The following BTBD9 variants were observed in gnomAD, a reference collection of about 807,000 sequenced individuals.
The protein encoded by BTBD9 is BTB domain containing 9.
In BTBD9, 49 loss-of-function variants were observed where a neutral mutation model predicts 64.3. That is an observed-to-expected ratio of 0.76 (90% CI 0.61 to 0.97). BTBD9 has a LOEUF of 0.97. Among genes scored for constraint, BTBD9 ranks in the 50% least tolerant of loss-of-function variants. The probability of loss-of-function intolerance (pLI) is 0.00; values close to 1 mark genes in which losing one functional copy is unlikely to be tolerated. For missense variants in BTBD9, 598 were observed against 762.1 expected, an observed-to-expected ratio of 0.78 and a Z score of 2.53; for synonymous variants, 260 against 274.7, an observed-to-expected ratio of 0.95 and a Z score of 0.53.
intron 6 of BTBD9, among the ~76,000 whole-genome samples, chr6:38,457,409 AG>A (rs1201640002): frequency 6.6e-6 from 1 of 152,242 alleles, no homozygotes; most frequent in African/African-American, 2.4e-5. Context: ...AGATTGCAGT[AG>A]ATGGATTTAA....
At chr6:38,328,815 C>T (rs970614380) in intron 7 of BTBD9, among the ~76,000 whole-genome samples, 3 of 151,672 alleles carry the variant, frequency 2.0e-5, no homozygotes, top group African/African-American at 4.8e-5. Flanking sequence ...GGCGTGGTGG[C>T]GGGTGCCCAG....
rs549971372 is a variant in BTBD9 at position 38,254,872 on chromosome 6, C to T, written c.1562+1537G>A. Among the ~76,000 whole-genome samples, 39 of 152,246 alleles carry T rather than the reference C, an allele frequency of 2.6e-4. No individual in the cohort carries two copies. In the East Asian group the frequency reaches 6.0e-3, roughly 23 times the overall value. On this transcript the variant is annotated intron_variant, in intron 9 of 10. Transcript: ENST00000481247. ...TTTGGCAGTTCCTCAAAAAGTTAAA[C>T]GCAGAGTTATCCGATGACCCAGCAA...
chr6:38,306,664 A>T (rs1241285119), intron 7 of BTBD9, among the ~76,000 whole-genome samples: 1 of 152,192 alleles, frequency 6.6e-6, no homozygotes. Context: ...AGGAGTAATA[A>T]ATTTTTTAAA....
At position 38,490,937 on chromosome 6, in the gene BTBD9, A is replaced by G. The variant is rs559213266; in HGVS notation, c.1154+86663T>C. 3.0e-4 allele frequency among the ~76,000 whole-genome samples: 45 copies of G among 152,306 alleles called. 1 individual carries two copies. In the South Asian group the frequency reaches 9.1e-3, roughly 31 times the overall value. On this transcript the variant is annotated intron_variant, in intron 6 of 10. Transcript: ENST00000481247. The stretch of plus-strand genomic sequence containing the variant: ...AAAGGCACCAGGTAATCTGACTGTG[A>G]CTTCCTCTAAGCCAGTTGGGGGATT...
chr6:38,427,029 C>T (rs1400744931), intron 6 of BTBD9, among the ~76,000 whole-genome samples: 2 of 151,844 alleles, frequency 1.3e-5, no homozygotes, highest in Non-Finnish European at 2.9e-5. Flanking sequence ...CTGTATCCTA[C>T]ATCCTAGGCC....
At chr6:38,416,857 T>C (rs867641697) in intron 6 of BTBD9, among the ~76,000 whole-genome samples, 17 of 152,296 alleles carry the variant, frequency 1.1e-4, no homozygotes, top group Middle Eastern at 3.4e-3. Context: ...TGGTCTACCC[T>C]AGATCTGGAA....
chr6:38,458,786 T>C (rs979945640), intron 6 of BTBD9, among the ~76,000 whole-genome samples: 1 of 152,220 alleles, frequency 6.6e-6, no homozygotes, highest in African/African-American at 2.4e-5. Flanking sequence ...GTACCACTTA[T>C]ATGAATAATG....
chr6:38,183,002 CAG>C (rs1761633994), intron 10 of BTBD9, among the ~76,000 whole-genome samples: 1 of 144,434 alleles, frequency 6.9e-6, no homozygotes, highest in African/African-American at 2.6e-5. Context: ...TTTTCTGAGA[CAG>C]AGTCTTGCTC....
chr6:38,363,898 T>C (rs1765080031), intron 6 of BTBD9, among the ~76,000 whole-genome samples: 1 of 152,208 alleles, frequency 6.6e-6, no homozygotes, highest in Admixed American at 6.5e-5. Context: ...ATGTTCAGAT[T>C]GCTACAGCCT....
At chr6:38,290,303 G>C (rs1582172944) in intron 7 of BTBD9, among the ~76,000 whole-genome samples, 1 of 151,490 alleles carries the variant, frequency 6.6e-6, no homozygotes, top group Non-Finnish European at 1.5e-5. Context: ...GGAGCTCAGA[G>C]AGAAGCTCCC....
At chr6:38,269,887 GCA>G (rs973267750) in intron 8 of BTBD9, among the ~76,000 whole-genome samples, 4 of 152,142 alleles carry the variant, frequency 2.6e-5, no homozygotes, top group African/African-American at 9.7e-5. Flanking sequence ...AGTGTACTGG[GCA>G]CAGAGGCCAG....
intron 6 of BTBD9, among the ~76,000 whole-genome samples, chr6:38,551,764 G>A (rs184161897): frequency 1.4e-3 from 207 of 152,246 alleles, no homozygotes; most frequent in African/African-American, 4.6e-3. Flanking sequence ...GTTTTACACC[G>A]GCAAACAATA....
chr6:38,297,985 T>C (rs1445060994), intron 7 of BTBD9, among the ~76,000 whole-genome samples: 3 of 151,772 alleles, frequency 2.0e-5, no homozygotes, highest in Admixed American at 6.6e-5. Flanking sequence ...GGAATACAGG[T>C]GCCTGCCACC....
Position 38,474,978 on chromosome 6 carries a change from A to C in BTBD9, c.1154+102622T>G, listed in dbSNP as rs140625299. Among the ~76,000 whole-genome samples the C allele has an allele frequency of 2.9e-3, 449 of 152,338 alleles. 11 individuals carry two copies. Among genetic ancestry groups the C allele is most frequent in the Admixed American group, 0.027 (418 of 15,302 alleles). ...TATTTACAACAGCAAAACAGAAACT[A>C]TATGTGCTTCAATATAGGAAAAGTC... On this transcript the variant is annotated intron_variant, in intron 6 of 10. Coordinates refer to ENST00000481247, the MANE Select transcript of BTBD9 (RefSeq NM_001099272.2).
At chr6:38,326,650 T>C (rs1763445085) in intron 7 of BTBD9, among the ~76,000 whole-genome samples, 1 of 152,076 alleles carries the variant, frequency 6.6e-6, no homozygotes, top group Non-Finnish European at 1.5e-5. Flanking sequence ...TCTCTGATCA[T>C]GTATATTTTA....
intron 9 of BTBD9, among the ~76,000 whole-genome samples, chr6:38,228,348 C>CG (rs1451570389): frequency 8.8e-4 from 62 of 70,404 alleles, no homozygotes; most frequent in Non-Finnish European, 1.8e-3. Context: ...CTGTCCCCCC[C>CG]CCCAAAAAAA....
rs201188434 is a variant in BTBD9 at position 38,601,248 on chromosome 6, G to GA, written c.-27-3128dup. Among the ~76,000 whole-genome samples, 335 of 152,146 alleles carry GA rather than the reference G, an allele frequency of 2.2e-3. 6 individuals are homozygous for GA. The East Asian group carries it at 0.036, about 17-fold the overall frequency. On this transcript the variant is annotated intron_variant, in intron 1 of 10. Transcript: ENST00000481247. ...GTACAAGTATACAAAAACATCCACAGAAAAAATTTATTTAGGATATAATTT... is the reference window on the plus strand; with the variant it reads ...GTACAAGTATACAAAAACATCCACAGAAAAAAATTTATTTAGGATATAATTT...
intron 8 of BTBD9, among the ~76,000 whole-genome samples, chr6:38,259,447 G>T (rs576546085): frequency 6.6e-6 from 1 of 152,288 alleles, no homozygotes; most frequent in South Asian, 2.1e-4. Flanking sequence ...CTGTTGCCCA[G>T]GCTGGAGTGC....
chr6:38,460,393 G>T (rs1237645553), intron 6 of BTBD9, among the ~76,000 whole-genome samples: 1 of 152,144 alleles, frequency 6.6e-6, no homozygotes, highest in Non-Finnish European at 1.5e-5. Context: ...TTTGTGGTTA[G>T]TAACAACATT....
Sources: gnomAD v4.1 joint callset for allele counts (sites outside exome capture counted in the v4.1 genomes callset) on GRCh38, gnomAD v4.1.1 for gene constraint, MANE v1.5 for transcripts, NCBI Gene and HGNC (gene_info 2026-07-23, HGNC 2026-07-21) for gene names.